The following SPATA6 variants were observed in gnomAD, a reference collection of about 807,000 sequenced individuals.
SPATA6 encodes the protein spermatogenesis-associated protein 6.
SPATA6 carries 56 observed loss-of-function variants against 65.3 expected under a neutral mutation model. The observed-to-expected ratio is 0.86, with a 90% CI of 0.69 to 1.07. The LOEUF (loss-of-function observed/expected upper bound fraction) is 1.07, where lower values mean the gene tolerates loss of function less well. SPATA6 is among the 50% of genes least tolerant of loss of function. SPATA6 has a pLI of 0.00. For missense variants in SPATA6, 590 were observed against 594.8 expected (o/e 0.99, Z 0.08); for synonymous variants, 199 against 213.2 (o/e 0.93, Z 0.58).
chr1:48,279,016 G>A, the SPATA6 span, among the ~76,000 whole-genome samples: 2 of 152,132 alleles, frequency 1.3e-5, no homozygotes, highest in Non-Finnish European at 2.9e-5. Context: ...AAGAGAGTGG[G>A]GGCCAATATT....
chr1:48,400,878 C>T, intron 6 of SPATA6: 1 of 1,236,426 alleles, frequency 8.1e-7, no homozygotes, highest in South Asian at 1.4e-5. Context: ...CAGAATTTTT[C>T]TACCATATCC....
chr1:48,450,969 G>C (rs912003814), intron 3 of SPATA6, among the ~76,000 whole-genome samples: 1 of 152,270 alleles, frequency 6.6e-6, no homozygotes, highest in Non-Finnish European at 1.5e-5. Flanking sequence ...TTAACACTCA[G>C]AGCTTAAAAA....
chr1:48,469,444 T>C (rs1219544735), intron 1 of SPATA6, among the ~76,000 whole-genome samples: 1 of 144,922 alleles, frequency 6.9e-6, no homozygotes, highest in East Asian at 2.0e-4. Flanking sequence ...GTTTATACGC[T>C]ACCTATTTCA....
At chr1:48,305,002 T>G (rs1408743826) in intron 12 of SPATA6, among the ~76,000 whole-genome samples, 1 of 152,190 alleles carries the variant, frequency 6.6e-6, no homozygotes, top group East Asian at 1.9e-4. Flanking sequence ...AAGAGAGGCC[T>G]AGGTTGCTTC....
rs1644854356 is a variant in SPATA6, at chr1:48,298,528, A to C, written c.*185T>G. ...TTGTAACACAGCAGACTCTTCTGTA[A>C]TAATTATTTTAAAAGGCTTGCCTAT... On this transcript the variant is annotated 3_prime_UTR_variant, in exon 13 of 13. Coordinates refer to ENST00000371847, the MANE Select transcript of SPATA6 (RefSeq NM_019073.4). 1.9e-6 allele frequency: 1 copy of C among 538,234 alleles called. No individual in the cohort carries two copies. The highest frequency in any genetic ancestry group is 3.6e-5 in the Admixed American group (1 of 27,816). 33.3% of individuals were successfully genotyped at this position (538,234 alleles called of 1,614,324 possible).
intron 9 of SPATA6, among the ~76,000 whole-genome samples, chr1:48,373,777 C>A (rs1263812754): frequency 6.6e-6 from 1 of 152,136 alleles, no homozygotes; most frequent in Non-Finnish European, 1.5e-5. Flanking sequence ...AAGCAGAAAC[C>A]CCTGATAAAC....
chr1:48,391,053 T>C (rs1440318399), intron 8 of SPATA6, among the ~76,000 whole-genome samples: 1 of 151,846 alleles, frequency 6.6e-6, no homozygotes, highest in South Asian at 2.1e-4. Context: ...TGATCACAAG[T>C]AGTTGAAAAA....
intron 4 of SPATA6, among the ~76,000 whole-genome samples, chr1:48,412,567 G>A (rs1041781729): frequency 6.6e-6 from 1 of 152,118 alleles, no homozygotes; most frequent in Non-Finnish European, 1.5e-5. Context: ...TTTACACATA[G>A]TAGATCAACA....
At chr1:48,465,429 C>T (rs968708827) in intron 1 of SPATA6, among the ~76,000 whole-genome samples, 1 of 152,070 alleles carries the variant, frequency 6.6e-6, no homozygotes, top group African/African-American at 2.4e-5. Context: ...TAACCGGATA[C>T]CCTGAGACTC....
chr1:48,350,574 T>C (rs1646489100), intron 11 of SPATA6, among the ~76,000 whole-genome samples: 1 of 151,932 alleles, frequency 6.6e-6, no homozygotes, highest in Admixed American at 6.6e-5. Flanking sequence ...CTATTTTGAA[T>C]TACACGCCAA....
chr1:48,364,574 G>A (rs1027793061), intron 9 of SPATA6, among the ~76,000 whole-genome samples: 1 of 152,182 alleles, frequency 6.6e-6, no homozygotes, highest in East Asian at 1.9e-4. Flanking sequence ...ATTTTTTCAT[G>A]TGTTTTTTGG....
chr1:48,334,589 T>G (rs1646008141), intron 11 of SPATA6, among the ~76,000 whole-genome samples: 1 of 152,148 alleles, frequency 6.6e-6, no homozygotes, highest in African/African-American at 2.4e-5. Context: ...CAACAATCCT[T>G]CATGTTAAAA....
chr1:48,414,542 C>T lies in SPATA6; in HGVS notation c.239-1391G>A, dbSNP rs369003150. Among the ~76,000 whole-genome samples the T allele has an allele frequency of 1.4e-4, 21 of 152,278 alleles. No homozygotes were observed. The East Asian group carries it at 3.3e-3, about 24-fold the overall frequency. On this transcript the variant is annotated intron_variant, in intron 3 of 12. Coordinates refer to ENST00000371847, the MANE Select transcript of SPATA6 (RefSeq NM_019073.4). Reference sequence around the variant, plus strand: ...AATACCCAACTACAGCCATATCTAGCATTCCACACAGGGGAAGGGAAAAAC... The same window carrying T: ...AATACCCAACTACAGCCATATCTAGTATTCCACACAGGGGAAGGGAAAAAC...
chr1:48,431,140 T>C (rs962806801), intron 3 of SPATA6, among the ~76,000 whole-genome samples: 1 of 151,892 alleles, frequency 6.6e-6, no homozygotes, highest in Non-Finnish European at 1.5e-5. Flanking sequence ...TCAGACAAAA[T>C]AGACTTAAAA....
At chr1:48,290,865 CAA>C (rs951449407), downstream of SPATA6, among the ~76,000 whole-genome samples, 2 of 152,140 alleles carry the variant, frequency 1.3e-5, no homozygotes, top group South Asian at 2.1e-4. Context: ...TAGAGACCTA[CAA>C]AGAGACTTAG....
At position 48,298,840 on chromosome 1, in the gene SPATA6, G is replaced by C; in HGVS notation, c.1340C>G (p.Ser447Cys). The change falls in exon 13 of 13, where the codon TCC becomes TGC. Residue 447 changes from serine to cysteine, a missense_variant. Ser to Cys is a moderately radical substitution (Grantham distance 112, BLOSUM62 -1). Transcript: ENST00000371847. Reference protein sequence around the residue: ...TFHLDDGEYWSNRAASYKGKS... With the variant: ...TFHLDDGEYWCNRAASYKGKS... ...TCCCTTATAAGAGGCTGCCCTGTTG[G>C]ACCAGTATTCACCGTCATCCAAATG... 1.9e-6 allele frequency: 3 copies of C among 1,613,994 alleles called. No homozygotes were observed. The highest frequency in any genetic ancestry group is 2.5e-6 in the Non-Finnish European group (3 of 1,179,956).
chr1:48,397,167 G>C (rs892439357), intron 7 of SPATA6, among the ~76,000 whole-genome samples: 7 of 151,574 alleles, frequency 4.6e-5, no homozygotes, highest in African/African-American at 7.3e-5. Flanking sequence ...AATTCATAGA[G>C]ACAGAAAGCA....
At chr1:48,303,701 T>C (rs1250165679) in intron 12 of SPATA6, among the ~76,000 whole-genome samples, 1 of 152,206 alleles carries the variant, frequency 6.6e-6, no homozygotes. Context: ...TTTGTTATTG[T>C]GAATAATGCT....
chr1:48,438,742 A>G (rs1655180411), intron 3 of SPATA6, among the ~76,000 whole-genome samples: 1 of 152,152 alleles, frequency 6.6e-6, no homozygotes, highest in Non-Finnish European at 1.5e-5. Flanking sequence ...CCCGCTTCTA[A>G]AAACCACTCC....
Sources: allele counts gnomAD v4.1 joint callset (sites outside exome capture counted in the v4.1 genomes callset), GRCh38; gene constraint gnomAD v4.1.1; transcripts MANE v1.5; gene names NCBI Gene and HGNC (gene_info 2026-07-23, HGNC 2026-07-21).